Variants in ZNF616 observed in about 807,000 individuals in gnomAD.
ZNF616 encodes the protein zinc finger protein 616.
In ZNF616, 5 loss-of-function variants were observed where a neutral mutation model predicts 7.6. That is an observed-to-expected ratio of 0.66 (90% CI 0.34 to 1.38). The LOEUF (loss-of-function observed/expected upper bound fraction) is 1.38, where lower values mean the gene tolerates loss of function less well. Among genes scored for constraint, ZNF616 ranks in the 40% most tolerant of loss-of-function variants. The pLI is 0.04. For missense variants in ZNF616, 913 were observed against 948.3 expected, an observed-to-expected ratio of 0.96 and a Z score of 0.49; for synonymous variants, 319 against 317.2, an observed-to-expected ratio of 1.01 and a Z score of -0.06.
chr19:52,119,222 C>T (rs753623591), intron 3 of ZNF616, among the ~76,000 whole-genome samples: 22 of 151,954 alleles, frequency 1.4e-4, no homozygotes, highest in Non-Finnish European at 2.1e-4. Flanking sequence ...ACTAAAAATA[C>T]AAAAATTAGC....
chr19:52,128,139 G>A (rs1381874780), intron 2 of ZNF616, among the ~76,000 whole-genome samples: 1 of 150,376 alleles, frequency 6.6e-6, no homozygotes, highest in African/African-American at 2.5e-5. Context: ...AGGTGCAATG[G>A]TGTCCTCATA....
Position 52,114,632 on chromosome 19 carries a change from C to A in ZNF616, c.*186G>T, listed in dbSNP as rs966956989. On this transcript the variant is annotated 3_prime_UTR_variant, in exon 4 of 4. Coordinates refer to ENST00000600228, the MANE Select transcript of ZNF616 (RefSeq NM_178523.5). ...GAAGTCACTATTGCCAGGACAGCAC[C>A]AAGGGGATGACGCTACATCTTTCTC... 1.3e-5 allele frequency: 9 copies of A among 667,406 alleles called. No homozygotes were observed. The highest frequency in any genetic ancestry group is 1.9e-5 in the Non-Finnish European group (8 of 414,590). The allele number at this position is 667,406 out of a possible 1,614,324, so 41.3% of individuals were successfully genotyped here.
rs1420404006 is a variant in ZNF616 at position 52,130,516 on chromosome 19, T to C, written c.-4A>G. 2 of 1,611,418 alleles carry C rather than the reference T, an allele frequency of 1.2e-6. No homozygotes were observed. Among genetic ancestry groups the C allele is most frequent in the Non-Finnish European group, 1.7e-6 (2 of 1,178,854 alleles). On this transcript the variant is annotated 5_prime_UTR_variant, in exon 2 of 4. Transcript: ENST00000600228. ...ATCACTCTACCTGAGTAGCCATCAC[T>C]GACTCCTTTTCCTTCCTCTTCTTCC... is the stretch of plus-strand genomic sequence containing the variant.
At chr19:52,121,514 C>A (rs1308103282) in intron 3 of ZNF616, among the ~76,000 whole-genome samples, 1 of 152,098 alleles carries the variant, frequency 6.6e-6, no homozygotes, top group African/African-American at 2.4e-5. Flanking sequence ...TATGTATGCA[C>A]AGAAAACAGT....
intron 1 of ZNF616, among the ~76,000 whole-genome samples, chr19:52,130,789 G>A (rs1316072702): frequency 6.6e-6 from 1 of 152,210 alleles, no homozygotes; most frequent in Non-Finnish European, 1.5e-5. Context: ...TCTGGGAGAA[G>A]CCCACACACA....
intron 2 of ZNF616, among the ~76,000 whole-genome samples, chr19:52,125,079 T>G (rs1310905283): frequency 6.6e-6 from 1 of 152,192 alleles, no homozygotes; most frequent in Non-Finnish European, 1.5e-5. Context: ...AAGTTTCAAA[T>G]GAATTGTGGA....
chr19:52,122,619 T>C (rs552240755), intron 3 of ZNF616, among the ~76,000 whole-genome samples: 1 of 152,054 alleles, frequency 6.6e-6, no homozygotes, highest in Non-Finnish European at 1.5e-5. Context: ...AGAAGAACTG[T>C]AATCAATTCC....
chr19:52,129,522 TA>T (rs1395833339), intron 2 of ZNF616, among the ~76,000 whole-genome samples: 4 of 152,146 alleles, frequency 2.6e-5, no homozygotes, highest in African/African-American at 7.2e-5. Context: ...CCTTAAAACT[TA>T]AAACAACTGC....
At chr19:52,126,537 G>A (rs552437755) in intron 2 of ZNF616, among the ~76,000 whole-genome samples, 69 of 150,808 alleles carry the variant, frequency 4.6e-4, no homozygotes, top group African/African-American at 1.6e-3. Context: ...AAATGCGAAG[G>A]TAGGCAGATC....
chr19:52,129,070 C>T (rs560798082), intron 2 of ZNF616, among the ~76,000 whole-genome samples: 1 of 151,384 alleles, frequency 6.6e-6, no homozygotes, highest in South Asian at 2.1e-4. Flanking sequence ...ATCAGGAGTT[C>T]GAGACCAGCC....
In ZNF616 at chr19:52,116,194, G is replaced by GTC; in HGVS notation, c.968_969dup (p.Pro324AspfsTer23). 6.2e-7 allele frequency: 1 copy of GTC among 1,614,088 alleles called. No individual in the cohort carries two copies. Among genetic ancestry groups the GTC allele is most frequent in the Non-Finnish European group, 8.5e-7 (1 of 1,180,016 alleles). On this transcript the variant is annotated frameshift_variant, in exon 4 of 4. Coordinates refer to ENST00000600228, the MANE Select transcript of ZNF616 (RefSeq NM_178523.5). LOFTEE classifies it low-confidence loss of function (END_TRUNC). ...TTGCCACACTCATTACATTTGAAGGGTCTCTCTCCAGTATGAACTGTCTGA... is the reference window on the plus strand; with the variant it reads ...TTGCCACACTCATTACATTTGAAGGGTCTCTCTCTCCAGTATGAACTGTCTGA...
chr19:52,121,500 A>C (rs1422314300), intron 3 of ZNF616, among the ~76,000 whole-genome samples: 2 of 152,246 alleles, frequency 1.3e-5, no homozygotes, highest in African/African-American at 4.8e-5. Context: ...AACATGCCAA[A>C]ACTTATGTAT....
intron 2 of ZNF616, among the ~76,000 whole-genome samples, chr19:52,127,058 A>T (rs1029601073): frequency 1.4e-5 from 2 of 145,802 alleles, no homozygotes; most frequent in Non-Finnish European, 3.0e-5. Context: ...ATATGTGGGA[A>T]TTTTTTTTTT....
chr19:52,116,917 C>T lies in ZNF616; in HGVS notation c.247G>A (p.Glu83Lys), dbSNP rs768158413. The change falls in exon 4 of 4, where the codon GAA (glutamate) becomes AAA (lysine). Residue 83 changes from glutamate to lysine, a missense_variant. By Grantham distance (56) the Glu-to-Lys change is moderately conservative. Coordinates refer to ENST00000600228, the MANE Select transcript of ZNF616 (RefSeq NM_178523.5). ...TGTATTTCCCTGAAGTATAAATTTTCAATATCATAGCTTTGATGTCTTTCC... is the reference window on the plus strand; with the variant it reads ...TGTATTTCCCTGAAGTATAAATTTTTAATATCATAGCTTTGATGTCTTTCC... ...ALERHQSYDIENLYFREIQKH... is the reference protein window; with the variant it reads ...ALERHQSYDIKNLYFREIQKH... 6.2e-7 allele frequency: 1 copy of T among 1,613,956 alleles called. No homozygotes were observed. The highest frequency in any genetic ancestry group is 8.5e-7 in the Non-Finnish European group (1 of 1,179,952).
chr19:52,121,965 C>T lies in ZNF616; in HGVS notation c.139+1958G>A, dbSNP rs75967006. 5.4e-3 allele frequency among the ~76,000 whole-genome samples: 825 copies of T among 152,058 alleles called. 7 individuals are homozygous for T. The highest frequency in any genetic ancestry group is 0.019 in the African/African-American group (782 of 41,496). ...AAAAATATATAGGTTTTATAAACAT[C>T]AGTTGAGAAGTCCTTGAAGTGCAAG... On this transcript the variant is annotated intron_variant, in intron 3 of 3. Coordinates refer to ENST00000600228, the MANE Select transcript of ZNF616 (RefSeq NM_178523.5).
In ZNF616 at chr19:52,116,209, G is replaced by A; in HGVS notation, c.955C>T (p.His319Tyr). 1 of 1,614,140 alleles carries A rather than the reference G, an allele frequency of 6.2e-7. No individual in the cohort carries two copies. Among genetic ancestry groups the A allele is most frequent in the Non-Finnish European group, 8.5e-7 (1 of 1,180,022 alleles). Residue 319 changes from histidine (H) to tyrosine (Y), a missense_variant, in exon 4 of 4, where the codon CAT becomes TAT. His to Tyr is a moderately conservative substitution (Grantham distance 83). Coordinates refer to ENST00000600228, the MANE Select transcript of ZNF616 (RefSeq NM_178523.5). ...RVHLRLHQTV[H>Y]TGERPFKCNE... The stretch of plus-strand genomic sequence containing the variant: ...CATTTGAAGGGTCTCTCTCCAGTAT[G>A]AACTGTCTGATGAAGTCTAAGATGG...
Position 52,114,968 on chromosome 19 carries a change from G to A in ZNF616, c.2196C>T (p.Leu732=). The change falls in exon 4 of 4, where the codon CTC becomes CTT. Residue 732 remains leucine, a synonymous_variant. Coordinates refer to ENST00000600228, the MANE Select transcript of ZNF616 (RefSeq NM_178523.5). ...CGKAFGRLFS[L]SKHQRIHSGK... ...CAGAATGAATTCTTTGGTGTTTGCTGAGGGAAAACAACCGCCCAAAGGCTT... is the reference window on the plus strand; with the variant it reads ...CAGAATGAATTCTTTGGTGTTTGCTAAGGGAAAACAACCGCCCAAAGGCTT... The A allele has an allele frequency of 6.2e-7, 1 of 1,614,180 alleles. No individual in the cohort carries two copies. Among genetic ancestry groups the A allele is most frequent in the East Asian group, 2.2e-5 (1 of 44,874 alleles).
chr19:52,119,848 T>C (rs1029134331), intron 3 of ZNF616, among the ~76,000 whole-genome samples: 1 of 152,200 alleles, frequency 6.6e-6, no homozygotes, highest in Non-Finnish European at 1.5e-5. Context: ...TCAAATTGAA[T>C]GTCCCATGAG....
chr19:52,133,370 GT>G (rs2088976418), intron 1 of ZNF616, among the ~76,000 whole-genome samples: 2 of 152,034 alleles, frequency 1.3e-5, no homozygotes, highest in Non-Finnish European at 2.9e-5. Flanking sequence ...AAAAATAGAC[GT>G]TGCAGTTGTT....
Sources: gnomAD v4.1 joint callset for allele counts (sites outside exome capture counted in the v4.1 genomes callset) on GRCh38, gnomAD v4.1.1 for gene constraint, MANE v1.5 for transcripts, NCBI Gene and HGNC (gene_info 2026-07-23, HGNC 2026-07-21) for gene names.